CAPZB: variants seen among roughly 807,000 people sequenced by gnomAD.
CAPZB encodes F-actin-capping protein subunit beta.
CAPZB carries 2 observed loss-of-function variants against 38.1 expected under a neutral mutation model. The ratio of observed to expected loss-of-function variants is 0.05; its 90% CI spans 0.02 to 0.17. The LOEUF (loss-of-function observed/expected upper bound fraction) is 0.17. CAPZB is among the 10% of genes least tolerant of loss of function. The pLI is 1.00. For synonymous variants in CAPZB, 107 were observed against 127.4 expected (o/e 0.84, Z 1.08); for missense variants, 161 against 334.2 (o/e 0.48, Z 4.04).
At chr1:19,442,772 G>C (rs1010134075) in intron 1 of CAPZB, among the ~76,000 whole-genome samples, 6 of 152,062 alleles carry the variant, frequency 3.9e-5, no homozygotes, top group Non-Finnish European at 7.4e-5. Flanking sequence ...TCCTTCCCTG[G>C]CTTCCTGTAA....
At chr1:19,354,343 C>A (rs543610582) in intron 6 of CAPZB, among the ~76,000 whole-genome samples, 9 of 152,164 alleles carry the variant, frequency 5.9e-5, no homozygotes, top group South Asian at 4.1e-4. Context: ...CTCTGGGACC[C>A]GTAGCCAAGC....
intron 4 of CAPZB, among the ~76,000 whole-genome samples, chr1:19,361,716 T>A (rs1285032578): frequency 6.6e-6 from 1 of 152,088 alleles, no homozygotes; most frequent in East Asian, 1.9e-4. Context: ...CATTTATGAG[T>A]TTTTACATAA....
intron 1 of CAPZB, among the ~76,000 whole-genome samples, chr1:19,470,256 T>C (rs995178736): frequency 6.6e-6 from 1 of 152,200 alleles, no homozygotes; most frequent in East Asian, 1.9e-4. Context: ...ATTGCATAGA[T>C]GTGCCACCAT....
intron 2 of CAPZB, among the ~76,000 whole-genome samples, chr1:19,388,632 A>C (rs2094216065): frequency 6.6e-6 from 1 of 152,364 alleles, no homozygotes; most frequent in Middle Eastern, 3.4e-3. Context: ...CGGAGCTGTC[A>C]TGAAAGCCCT....
At chr1:19,444,213 T>A (rs2094488769) in intron 1 of CAPZB, among the ~76,000 whole-genome samples, 1 of 151,502 alleles carries the variant, frequency 6.6e-6, no homozygotes. Flanking sequence ...TCAGCAGGAG[T>A]GTCTCCCATA....
intron 4 of CAPZB, among the ~76,000 whole-genome samples, chr1:19,368,958 C>A (rs1395100684): frequency 6.6e-6 from 1 of 152,214 alleles, no homozygotes; most frequent in Non-Finnish European, 1.5e-5. Context: ...CTGGTCCCTG[C>A]TTCCAGCAGC....
chr1:19,472,984 TG>T (rs1180523840), intron 1 of CAPZB, among the ~76,000 whole-genome samples: 1 of 152,168 alleles, frequency 6.6e-6, no homozygotes, highest in Non-Finnish European at 1.5e-5. Flanking sequence ...CCCAAAGTGC[TG>T]GGATTACAGG....
intron 4 of CAPZB, among the ~76,000 whole-genome samples, chr1:19,358,430 G>A (rs748299059): frequency 4.6e-5 from 7 of 152,172 alleles, no homozygotes; most frequent in African/African-American, 1.2e-4. Context: ...GAGCCACTGC[G>A]CCTGGCCCAG....
chr1:19,364,914 A>G (rs2094075099), intron 4 of CAPZB, among the ~76,000 whole-genome samples: 1 of 151,578 alleles, frequency 6.6e-6, no homozygotes, highest in Non-Finnish European at 1.5e-5. Context: ...TGGCATGACC[A>G]TGGCTCATTG....
At chr1:19,372,136 T>G (rs2094122558) in intron 4 of CAPZB, among the ~76,000 whole-genome samples, 3 of 152,192 alleles carry the variant, frequency 2.0e-5, no homozygotes, top group African/African-American at 7.2e-5. Context: ...GAAGATTATC[T>G]CAGAACTGAA....
At chr1:19,454,673 G>A (rs80261547) in intron 1 of CAPZB, among the ~76,000 whole-genome samples, 4,272 of 152,216 alleles carry the variant, frequency 0.028, 181 homozygotes, top group African/African-American at 0.096. Flanking sequence ...GTGCAAGCTC[G>A]CAGTCTGTAC....
intron 1 of CAPZB, among the ~76,000 whole-genome samples, chr1:19,443,894 A>C (rs1180642797): frequency 2.6e-5 from 4 of 152,202 alleles, no homozygotes; most frequent in East Asian, 3.8e-4. Flanking sequence ...CACACACACA[A>C]AAGTCTGAAT....
At position 19,479,170 on chromosome 1, in the gene CAPZB, A is replaced by G. The variant is rs141491742; in HGVS notation, c.3+6266T>C. Among the ~76,000 whole-genome samples, 7 of 152,318 alleles carry G rather than the reference A, an allele frequency of 4.6e-5. No homozygotes were observed. The East Asian group carries it at 1.4e-3, about 29-fold the overall frequency. ...GGTTGCAGGGAGTCGAGATCGTGCC[A>G]CTGTACTCCAGCCTAGGTGGCAGAG... On this transcript the variant is annotated intron_variant, in intron 1 of 8. Coordinates refer to ENST00000264202, the MANE Select transcript of CAPZB (RefSeq NM_004930.5).
chr1:19,356,795 G>A lies in CAPZB; in HGVS notation c.472-44C>T, dbSNP rs780007303. Reference sequence around the variant, plus strand: ...GATCTGTTGAGCTGAGGGAGAGCCTGAAGTGGCCCCTGGAATTCAGGGTCA... The same window carrying A: ...GATCTGTTGAGCTGAGGGAGAGCCTAAAGTGGCCCCTGGAATTCAGGGTCA... On this transcript the variant is annotated intron_variant, in intron 5 of 8. Coordinates refer to ENST00000264202, the MANE Select transcript of CAPZB (RefSeq NM_004930.5). This position sits in a 1 kb window ranked among gnomAD's most constrained non-coding sequence, Gnocchi z 4.3. The A allele has an allele frequency of 3.7e-6, 5 of 1,349,196 alleles. No homozygotes were observed. The Admixed American group carries it at 6.8e-5, about 18-fold the overall frequency. 83.6% of individuals were successfully genotyped at this position (1,349,196 alleles called of 1,614,324 possible).
intron 1 of CAPZB, among the ~76,000 whole-genome samples, chr1:19,445,327 G>A (rs72653942): frequency 0.18 from 26,771 of 151,530 alleles, 2,665 homozygotes; most frequent in South Asian, 0.3. Context: ...CACCAAAAAA[G>A]CAAAAGTTGT....
intron 1 of CAPZB, among the ~76,000 whole-genome samples, chr1:19,476,654 T>C (rs897318555): frequency 6.6e-6 from 1 of 152,248 alleles, no homozygotes; most frequent in Non-Finnish European, 1.5e-5. Flanking sequence ...AGAACCGTCC[T>C]GTCCAGTAGG....
chr1:19,454,373 A>C (rs1472803589), intron 1 of CAPZB, among the ~76,000 whole-genome samples: 1 of 152,166 alleles, frequency 6.6e-6, no homozygotes, highest in Non-Finnish European at 1.5e-5. Context: ...TTACCCCATA[A>C]TATCTGCATC....
At chr1:19,363,092 T>G (rs1025062719) in intron 4 of CAPZB, among the ~76,000 whole-genome samples, 1 of 151,520 alleles carries the variant, frequency 6.6e-6, no homozygotes, top group African/African-American at 2.4e-5. Flanking sequence ...CATCTTGTTT[T>G]GTTTTTTGAG....
intron 4 of CAPZB, chr1:19,374,026 G>A (rs2094132730): frequency 6.6e-6 from 1 of 152,366 alleles, no homozygotes; most frequent in Non-Finnish European, 1.5e-5. Context: ...TGGGTGGGGG[G>A]CAGGCACCTC....
Sources: allele counts gnomAD v4.1 joint callset (sites outside exome capture counted in the v4.1 genomes callset), GRCh38; gene constraint gnomAD v4.1.1; non-coding constraint Gnocchi (gnomAD v3.1); transcripts MANE v1.5; gene names NCBI Gene and HGNC (gene_info 2026-07-23, HGNC 2026-07-21).